Variants in LRRC4C observed in about 807,000 individuals in gnomAD.
LRRC4C encodes the protein leucine rich repeat containing 4C.
Under a neutral mutation model 33.6 loss-of-function variants are expected in LRRC4C, and 5 were observed. That is an observed-to-expected ratio of 0.15 (90% CI 0.08 to 0.31). The LOEUF (loss-of-function observed/expected upper bound fraction) is 0.31. Ranked by LOEUF, LRRC4C falls within the 10% of genes least tolerant of loss-of-function variation. The pLI is 1.00. For missense variants in LRRC4C, 560 were observed against 796.7 expected, an observed-to-expected ratio of 0.70 and a Z score of 3.58; for synonymous variants, 329 against 302.0, an observed-to-expected ratio of 1.09 and a Z score of -0.93.
At chr11:41,262,366 C>G (rs777636448) in intron 1 of LRRC4C, among the ~76,000 whole-genome samples, 4 of 150,144 alleles carry the variant, frequency 2.7e-5, no homozygotes, top group African/African-American at 9.8e-5. Flanking sequence ...AAAAGGTCTG[C>G]TGACTGCTAC....
chr11:40,581,488 T>C (rs1273787933), intron 3 of LRRC4C, among the ~76,000 whole-genome samples: 1 of 152,240 alleles, frequency 6.6e-6, no homozygotes, highest in Non-Finnish European at 1.5e-5. Flanking sequence ...TTTGTTTCAT[T>C]TTCTTATGTT....
intron 2 of LRRC4C, among the ~76,000 whole-genome samples, chr11:40,656,503 T>C (rs1943120834): frequency 6.6e-6 from 1 of 150,384 alleles, no homozygotes; most frequent in African/African-American, 2.4e-5. Flanking sequence ...AGGCAATACA[T>C]TTATTGCTTG....
At chr11:40,635,713 T>C (rs567461710) in intron 3 of LRRC4C, among the ~76,000 whole-genome samples, 2 of 139,134 alleles carry the variant, frequency 1.4e-5, no homozygotes, top group Non-Finnish European at 3.0e-5. Context: ...CTCGGCTCAC[T>C]GCAAGCTCCG....
intron 1 of LRRC4C, among the ~76,000 whole-genome samples, chr11:41,425,036 T>C (rs543953570): frequency 6.6e-6 from 1 of 152,230 alleles, no homozygotes; most frequent in South Asian, 2.1e-4. Context: ...GATTGAAGTC[T>C]AGATTTCAAA....
At chr11:41,205,549 T>C (rs1946567029) in intron 1 of LRRC4C, among the ~76,000 whole-genome samples, 1 of 152,316 alleles carries the variant, frequency 6.6e-6, no homozygotes, top group Non-Finnish European at 1.5e-5. Context: ...ACAGAGTCAA[T>C]ACCCTCAAAC....
chr11:40,213,289 C>A (rs372717892), intron 5 of LRRC4C, among the ~76,000 whole-genome samples: 14 of 152,076 alleles, frequency 9.2e-5, no homozygotes, highest in East Asian at 5.8e-4. Flanking sequence ...TTTTGGTCTT[C>A]TTCTTCATGT....
chr11:40,966,210 A>AATAAGGTG (rs1851351441), intron 1 of LRRC4C, among the ~76,000 whole-genome samples: 1 of 152,014 alleles, frequency 6.6e-6, no homozygotes, highest in Non-Finnish European at 1.5e-5. Context: ...AATACAGTGC[A>AATAAGGTG]ACATGTCATG....
intron 2 of LRRC4C, among the ~76,000 whole-genome samples, chr11:40,763,193 T>C (rs893289061): frequency 6.6e-6 from 1 of 151,836 alleles, no homozygotes; most frequent in Non-Finnish European, 1.5e-5. Context: ...AGATGTTCAT[T>C]TGTGTTGGGT....
At chr11:40,980,228 A>C (rs61384126) in intron 1 of LRRC4C, among the ~76,000 whole-genome samples, 3 of 152,192 alleles carry the variant, frequency 2.0e-5, no homozygotes, top group Non-Finnish European at 4.4e-5. Flanking sequence ...AGTTTCCTTC[A>C]AAAAGGGGAC....
chr11:40,460,154 C>T (rs1952324616), intron 3 of LRRC4C, among the ~76,000 whole-genome samples: 2 of 152,082 alleles, frequency 1.3e-5, no homozygotes, highest in African/African-American at 4.8e-5. Flanking sequence ...AGGGGTCTCA[C>T]TGGTACCAAC....
At chr11:40,578,368 A>C (rs1474015349) in intron 3 of LRRC4C, among the ~76,000 whole-genome samples, 1 of 151,868 alleles carries the variant, frequency 6.6e-6, no homozygotes, top group Non-Finnish European at 1.5e-5. Flanking sequence ...ATTTTCAGTA[A>C]TATTTTAAAA....
intron 1 of LRRC4C, among the ~76,000 whole-genome samples, chr11:41,163,312 C>G (rs1302844881): frequency 2.8e-4 from 2 of 7,256 alleles, no homozygotes; most frequent in South Asian, 5.6e-3. Flanking sequence ...CAAACAGGGT[C>G]TTGCTCTGTC....
chr11:40,977,251 C>A (rs549694228), intron 1 of LRRC4C, among the ~76,000 whole-genome samples: 5 of 152,128 alleles, frequency 3.3e-5, no homozygotes, highest in African/African-American at 7.2e-5. Context: ...TCCTCCTATG[C>A]GGCCTGGTTC....
chr11:40,289,631 G>T (rs1944060533), intron 4 of LRRC4C, among the ~76,000 whole-genome samples: 1 of 152,114 alleles, frequency 6.6e-6, no homozygotes, highest in South Asian at 2.1e-4. Context: ...AAAAGTACAT[G>T]AACAAATGCA....
In LRRC4C at chr11:40,909,353, C is replaced by A. The variant is rs1956564871; in HGVS notation, c.-407+24282G>T. Among the ~76,000 whole-genome samples the A allele has an allele frequency of 2.6e-5, 4 of 151,862 alleles. 1 individual carries two copies. The South Asian group carries it at 8.3e-4, about 31-fold the overall frequency. On this transcript the variant is annotated intron_variant, in intron 2 of 6. Transcript: ENST00000528697. ...GATTTCAATGGACAATATTTGAAGTCAACATTCAAAAATTTTATATGATAA... is the reference window on the plus strand; with the variant it reads ...GATTTCAATGGACAATATTTGAAGTAAACATTCAAAAATTTTATATGATAA...
intron 5 of LRRC4C, among the ~76,000 whole-genome samples, chr11:40,156,916 C>T (rs1485209914): frequency 6.6e-6 from 1 of 151,982 alleles, no homozygotes; most frequent in Non-Finnish European, 1.5e-5. Context: ...AAAAACAATT[C>T]TAAAATTCAT....
intron 1 of LRRC4C, among the ~76,000 whole-genome samples, chr11:41,084,788 G>A (rs1456892069): frequency 1.3e-5 from 2 of 152,160 alleles, no homozygotes; most frequent in African/African-American, 2.4e-5. Context: ...GGTGGAGGTT[G>A]CAGTGAGCCA....
At chr11:40,586,982 T>C (rs1481865422) in intron 3 of LRRC4C, among the ~76,000 whole-genome samples, 1 of 152,050 alleles carries the variant, frequency 6.6e-6, no homozygotes, top group Non-Finnish European at 1.5e-5. Context: ...CCATATGAAC[T>C]TTAAAGTAGT....
At chr11:40,320,821 A>G (rs939973785) in intron 3 of LRRC4C, among the ~76,000 whole-genome samples, 2 of 152,176 alleles carry the variant, frequency 1.3e-5, no homozygotes, top group African/African-American at 4.8e-5. Flanking sequence ...GATCAGGAAG[A>G]TTTTGTGGAA....
Sources: gnomAD v4.1 joint callset for allele counts (sites outside exome capture counted in the v4.1 genomes callset) on GRCh38, gnomAD v4.1.1 for gene constraint, MANE v1.5 for transcripts, NCBI Gene and HGNC (gene_info 2026-07-23, HGNC 2026-07-21) for gene names.